The following ROBO2 variants were observed in gnomAD, a reference collection of about 807,000 sequenced individuals.
ROBO2 encodes roundabout guidance receptor 2, also known as roundabout homolog 2.
Under a neutral mutation model 160.8 loss-of-function variants are expected in ROBO2, and 53 were observed. The ratio of observed to expected loss-of-function variants is 0.33; its 90% confidence interval spans 0.26 to 0.41. ROBO2 has a LOEUF of 0.41. ROBO2 is among the 10% of genes least tolerant of loss of function. The pLI is 1.00. For missense variants in ROBO2, 1,577 were observed against 1,722.4 expected, an observed-to-expected ratio of 0.92 and a Z score of 1.49; for synonymous variants, 664 against 611.7, an observed-to-expected ratio of 1.09 and a Z score of -1.26.
At chr3:76,816,119 C>T (rs2065643818) in intron 2 of ROBO2, among the ~76,000 whole-genome samples, 1 of 152,052 alleles carries the variant, frequency 6.6e-6, no homozygotes, top group South Asian at 2.1e-4. Context: ...ATCCTCTTCG[C>T]TACTCAAACA....
At chr3:77,302,282 G>C (rs72895190) in intron 2 of ROBO2, among the ~76,000 whole-genome samples, 5,735 of 151,974 alleles carry the variant, frequency 0.038, 352 homozygotes, top group African/African-American at 0.13. Context: ...GATATTAATC[G>C]TACCTATCTC....
chr3:77,150,788 A>G (rs1489072804), intron 2 of ROBO2, among the ~76,000 whole-genome samples: 1 of 152,104 alleles, frequency 6.6e-6, no homozygotes, highest in East Asian at 1.9e-4. Flanking sequence ...TAATAATAAG[A>G]CAATTTGGTT....
At chr3:76,090,115 A>C (rs2069170300) in intron 2 of ROBO2, among the ~76,000 whole-genome samples, 1 of 152,202 alleles carries the variant, frequency 6.6e-6, no homozygotes, top group Admixed American at 6.5e-5. Context: ...TAAATCTAAC[A>C]AAATATGTAC....
At chr3:77,221,853 T>C (rs113463631) in intron 2 of ROBO2, among the ~76,000 whole-genome samples, 8,993 of 146,344 alleles carry the variant, frequency 0.061, 939 homozygotes, top group African/African-American at 0.21. Context: ...TTTTTCTTTT[T>C]CTTTTTTTTT....
intron 2 of ROBO2, among the ~76,000 whole-genome samples, chr3:76,926,084 G>A (rs1369115281): frequency 6.6e-6 from 1 of 152,134 alleles, no homozygotes. Flanking sequence ...GGAATTTTGG[G>A]TTTTTCTTGA....
intron 2 of ROBO2, among the ~76,000 whole-genome samples, chr3:76,719,656 G>A (rs554057969): frequency 3.9e-5 from 6 of 152,278 alleles, no homozygotes; most frequent in African/African-American, 1.4e-4. Flanking sequence ...GGCCGAGGCG[G>A]GTGGATCGCC....
chr3:76,604,211 C>T (rs2087463440), intron 2 of ROBO2, among the ~76,000 whole-genome samples: 1 of 152,098 alleles, frequency 6.6e-6, no homozygotes, highest in Non-Finnish European at 1.5e-5. Context: ...TGCTGTGTGT[C>T]TATAGCACAA....
At chr3:76,169,531 C>T (rs976201389) in intron 2 of ROBO2, among the ~76,000 whole-genome samples, 6 of 152,072 alleles carry the variant, frequency 3.9e-5, no homozygotes, top group African/African-American at 1.4e-4. Flanking sequence ...GAAAAATAAA[C>T]CTTCCTCTCA....
At chr3:76,729,409 A>T (rs1388882796) in intron 2 of ROBO2, among the ~76,000 whole-genome samples, 1 of 152,160 alleles carries the variant, frequency 6.6e-6, no homozygotes, top group African/African-American at 2.4e-5. Flanking sequence ...ATAGTTACAG[A>T]TTATTAAATT....
intron 2 of ROBO2, among the ~76,000 whole-genome samples, chr3:77,414,864 A>C (rs772923811): frequency 2.0e-5 from 3 of 152,238 alleles, no homozygotes; most frequent in Non-Finnish European, 4.4e-5. Flanking sequence ...TATCCATTGC[A>C]TATGGCTCCT....
At chr3:77,514,644 G>A (rs1006672407) in intron 5 of ROBO2, among the ~76,000 whole-genome samples, 1 of 151,710 alleles carries the variant, frequency 6.6e-6, no homozygotes, top group African/African-American at 2.4e-5. Flanking sequence ...TATATGTAAA[G>A]CCCTGTTGTA....
chr3:77,442,567 A>G (rs1473457697), intron 2 of ROBO2, among the ~76,000 whole-genome samples: 2 of 152,218 alleles, frequency 1.3e-5, no homozygotes, highest in African/African-American at 2.4e-5. Flanking sequence ...TAAAACTTAT[A>G]CATATCAAAA....
chr3:77,223,880 T>C (rs920807532), intron 2 of ROBO2, among the ~76,000 whole-genome samples: 2 of 152,040 alleles, frequency 1.3e-5, no homozygotes, highest in African/African-American at 4.8e-5. Flanking sequence ...GAATATTGTT[T>C]TGTTATTGTT....
At chr3:77,153,930 T>C (rs1243270356) in intron 2 of ROBO2, among the ~76,000 whole-genome samples, 2 of 152,146 alleles carry the variant, frequency 1.3e-5, no homozygotes, top group East Asian at 3.8e-4. Flanking sequence ...ATTAGATAAG[T>C]CTAAAATTTA....
At chr3:76,179,970 A>G (rs981456388) in intron 2 of ROBO2, among the ~76,000 whole-genome samples, 1 of 152,138 alleles carries the variant, frequency 6.6e-6, no homozygotes, top group African/African-American at 2.4e-5. Context: ...TAGCTATGAT[A>G]AAAATGCTTG....
intron 2 of ROBO2, among the ~76,000 whole-genome samples, chr3:76,590,908 TG>T (rs1170336070): frequency 3.7e-4 from 56 of 152,174 alleles, no homozygotes; most frequent in Non-Finnish European, 8.8e-5. Context: ...TCAACTGCAG[TG>T]GCAGGCTGAA....
chr3:76,136,534 T>A (rs1380981014), intron 2 of ROBO2, among the ~76,000 whole-genome samples: 1 of 152,054 alleles, frequency 6.6e-6, no homozygotes, highest in Non-Finnish European at 1.5e-5. Context: ...ATGTCTAAAA[T>A]GTTGCCAACA....
intron 22 of ROBO2, among the ~76,000 whole-genome samples, chr3:77,619,511 CA>C (rs1346370620): frequency 6.6e-6 from 1 of 152,166 alleles, no homozygotes; most frequent in Non-Finnish European, 1.5e-5. Flanking sequence ...TCAGTGGAAT[CA>C]TAGCGTTACT....
At chr3:76,500,032 G>A (rs1202711357) in intron 2 of ROBO2, among the ~76,000 whole-genome samples, 1 of 152,084 alleles carries the variant, frequency 6.6e-6, no homozygotes, top group African/African-American at 2.4e-5. Context: ...ATTTAATCCA[G>A]GAATGAGAGT....
Sources: allele counts gnomAD v4.1 joint callset (sites outside exome capture counted in the v4.1 genomes callset), GRCh38; gene constraint gnomAD v4.1.1; transcripts MANE v1.5; gene names NCBI Gene and HGNC (gene_info 2026-07-23, HGNC 2026-07-21).